ADGRL3: variants seen among roughly 807,000 people sequenced by gnomAD.
ADGRL3 encodes the protein calcium-independent alpha-latrotoxin receptor 3.
ADGRL3 carries 62 observed loss-of-function variants against 153.5 expected under a neutral mutation model. The observed-to-expected ratio is 0.40, with a 90% confidence interval of 0.33 to 0.50. The LOEUF is 0.50. Ranked by LOEUF, ADGRL3 falls within the 20% of genes least tolerant of loss-of-function variation. The pLI, the probability that ADGRL3 is intolerant of heterozygous loss-of-function variation, is 0.47. For missense variants in ADGRL3, 1,641 were observed against 1,859.4 expected (o/e 0.88, Z 2.16); for synonymous variants, 710 against 672.5 (o/e 1.06, Z -0.86).
intron 4 of ADGRL3, among the ~76,000 whole-genome samples, chr4:61,555,771 C>T (rs1266410000): frequency 1.3e-5 from 2 of 152,176 alleles, no homozygotes; most frequent in African/African-American, 4.8e-5. Flanking sequence ...TGATTATATG[C>T]TAAACAAGGG....
chr4:61,784,961 T>C (rs929278026), intron 8 of ADGRL3, among the ~76,000 whole-genome samples: 4 of 152,178 alleles, frequency 2.6e-5, no homozygotes, highest in South Asian at 2.1e-4. Flanking sequence ...ATAGTACTTA[T>C]ATCTCAAGTT....
chr4:61,576,477 A>G (rs548935206), intron 4 of ADGRL3, among the ~76,000 whole-genome samples: 47 of 151,090 alleles, frequency 3.1e-4, no homozygotes, highest in African/African-American at 1.0e-3. Context: ...AGCATTTGGC[A>G]ATGATCTGGG....
intron 2 of ADGRL3, among the ~76,000 whole-genome samples, chr4:61,446,310 A>G (rs2097581612): frequency 6.6e-6 from 1 of 152,186 alleles, no homozygotes; most frequent in Admixed American, 6.5e-5. Flanking sequence ...GACTTGTCTA[A>G]TCCACTTCTA....
intron 1 of ADGRL3, among the ~76,000 whole-genome samples, chr4:61,284,175 C>T (rs1204207156): frequency 6.6e-6 from 1 of 151,948 alleles, no homozygotes; most frequent in Non-Finnish European, 1.5e-5. Flanking sequence ...ACTGCCCAAA[C>T]ATGCATTAAT....
intron 1 of ADGRL3, among the ~76,000 whole-genome samples, chr4:61,257,360 G>T (rs1196927405): frequency 1.3e-5 from 2 of 152,114 alleles, no homozygotes; most frequent in Non-Finnish European, 2.9e-5. Flanking sequence ...AGAGAAGAAA[G>T]AAGACAATTA....
At chr4:61,653,425 G>C (rs1166767222) in intron 5 of ADGRL3, among the ~76,000 whole-genome samples, 4 of 152,154 alleles carry the variant, frequency 2.6e-5, no homozygotes, top group African/African-American at 9.7e-5. Context: ...ACAAAATGGA[G>C]TTTGGCTGGA....
chr4:61,342,020 A>G (rs982232755), intron 1 of ADGRL3, among the ~76,000 whole-genome samples: 1 of 152,186 alleles, frequency 6.6e-6, no homozygotes, highest in Non-Finnish European at 1.5e-5. Flanking sequence ...TGGATTATAA[A>G]ATAATGTATA....
chr4:62,023,552 G>T (rs573051835), intron 21 of ADGRL3, among the ~76,000 whole-genome samples: 1 of 152,258 alleles, frequency 6.6e-6, no homozygotes, highest in Non-Finnish European at 1.5e-5. Flanking sequence ...GTTAATCGAT[G>T]TGGCAAACTT....
chr4:61,293,340 G>A (rs958399490), intron 1 of ADGRL3, among the ~76,000 whole-genome samples: 1 of 152,118 alleles, frequency 6.6e-6, no homozygotes, highest in African/African-American at 2.4e-5. Context: ...ATTTCTGCTA[G>A]GTTTATATTA....
chr4:61,777,983 A>T (rs1036502340), intron 8 of ADGRL3, among the ~76,000 whole-genome samples: 1 of 152,146 alleles, frequency 6.6e-6, no homozygotes, highest in African/African-American at 2.4e-5. Flanking sequence ...AGCATCTCTA[A>T]CGTGAAAATT....
At chr4:61,360,388 T>G (rs2096264715) in intron 1 of ADGRL3, among the ~76,000 whole-genome samples, 1 of 152,122 alleles carries the variant, frequency 6.6e-6, no homozygotes, top group African/African-American at 2.4e-5. Context: ...TAAGAAAAGT[T>G]GAGAAATGTC....
intron 8 of ADGRL3, among the ~76,000 whole-genome samples, chr4:61,800,873 T>C (rs990961931): frequency 6.6e-6 from 1 of 152,148 alleles, no homozygotes; most frequent in Non-Finnish European, 1.5e-5. Context: ...TACAATTTAA[T>C]TTTTTTCTTT....
Position 62,066,405 on chromosome 4 carries a change from T to C in ADGRL3, c.3815-1761T>C, listed in dbSNP as rs138173879. 4.3e-4 allele frequency among the ~76,000 whole-genome samples: 66 copies of C among 152,190 alleles called. 1 individual carries two copies. The highest frequency in any genetic ancestry group is 5.4e-4 in the Non-Finnish European group (37 of 67,956). On this transcript the variant is annotated intron_variant, in intron 25 of 26. Coordinates refer to ENST00000683033, the MANE Select transcript of ADGRL3 (RefSeq NM_001387552.1). The stretch of plus-strand genomic sequence containing the variant: ...GTTGTAACACCATTTATTTAAAATA[T>C]GTAAAGATGTGTTTATTGTGTTACT...
intron 21 of ADGRL3, among the ~76,000 whole-genome samples, chr4:62,009,484 T>C (rs534876913): frequency 6.6e-6 from 1 of 152,264 alleles, no homozygotes; most frequent in Admixed American, 6.5e-5. Context: ...ACATTAAATG[T>C]ACACTCATTG....
At chr4:61,971,907 G>A (rs1408470866) in intron 17 of ADGRL3, among the ~76,000 whole-genome samples, 4 of 152,186 alleles carry the variant, frequency 2.6e-5, no homozygotes, top group Non-Finnish European at 5.9e-5. Context: ...CTGATGGCCA[G>A]TGATGGTGAG....
intron 2 of ADGRL3, among the ~76,000 whole-genome samples, chr4:61,438,196 A>T (rs972392036): frequency 6.6e-6 from 1 of 152,172 alleles, no homozygotes; most frequent in Non-Finnish European, 1.5e-5. Flanking sequence ...TATGAATATG[A>T]CATGGGTGAA....
chr4:61,953,753 G>A (rs1329921983), intron 17 of ADGRL3, among the ~76,000 whole-genome samples: 2 of 152,140 alleles, frequency 1.3e-5, no homozygotes, highest in Admixed American at 1.3e-4. Context: ...TGTGACCCAG[G>A]AGTCCTCAGA....
At chr4:61,918,786 A>C (rs926555112) in intron 13 of ADGRL3, among the ~76,000 whole-genome samples, 10 of 152,220 alleles carry the variant, frequency 6.6e-5, no homozygotes, top group Admixed American at 5.2e-4. Flanking sequence ...TGTCTACATT[A>C]TTACATGCAA....
intron 21 of ADGRL3, among the ~76,000 whole-genome samples, chr4:62,000,754 A>AT (rs963068030): frequency 6.6e-6 from 1 of 151,422 alleles, no homozygotes; most frequent in Admixed American, 6.6e-5. Context: ...GGTACAGAGG[A>AT]TTTTTTTTCT....
Sources: allele counts gnomAD v4.1 joint callset (sites outside exome capture counted in the v4.1 genomes callset), GRCh38; gene constraint gnomAD v4.1.1; transcripts MANE v1.5; gene names NCBI Gene and HGNC (gene_info 2026-07-23, HGNC 2026-07-21).